RSF1: variants seen among roughly 807,000 people sequenced by gnomAD.
The protein encoded by RSF1 is HBV pX-associated protein 8.
A neutral mutation model predicts 145.2 loss-of-function variants in RSF1; 13 were observed. That is an observed-to-expected ratio of 0.09 (90% CI 0.06 to 0.14). The LOEUF is 0.14. Ranked by LOEUF, RSF1 falls within the 10% of genes least tolerant of loss-of-function variation. The pLI, the probability that RSF1 is intolerant of heterozygous loss-of-function variation, is 1.00. For synonymous variants in RSF1, 577 were observed against 592.6 expected (o/e 0.97, Z 0.38); for missense variants, 1,517 against 1,718.2 (o/e 0.88, Z 2.07).
Position 77,701,196 on chromosome 11 carries a change from A to G in RSF1, c.2033T>C (p.Val678Ala). The G allele has an allele frequency of 2.5e-6, 4 of 1,613,978 alleles. No homozygotes were observed. The highest frequency in any genetic ancestry group is 3.4e-6 in the Non-Finnish European group (4 of 1,180,004). The part of the protein sequence containing the change: ...TLKEDSEFTK[V>A]EMDNLDNAQT... Reference sequence around the variant, plus strand: ...GGCATTGTCCAGATTATCCATTTCTACCTTTGTGAACTCAGAATCCTCTTT... The same window carrying G: ...GGCATTGTCCAGATTATCCATTTCTGCCTTTGTGAACTCAGAATCCTCTTT... Residue 678 changes from valine to alanine, a missense_variant, in exon 6 of 16, where the codon GTA (valine) becomes GCA (alanine). By Grantham distance (64) the Val-to-Ala change is moderately conservative. Around this residue, in one of 12 missense-constraint regions of RSF1, gnomAD observed 579 missense variants for 553.5 expected, o/e 1.05. Coordinates refer to ENST00000308488, the MANE Select transcript of RSF1 (RefSeq NM_016578.4).
In RSF1 at chr11:77,711,282, A is replaced by G. The variant is rs1380974698; in HGVS notation, c.734-8787T>C. 3.9e-5 allele frequency among the ~76,000 whole-genome samples: 6 copies of G among 152,188 alleles called. No homozygotes were observed. In the South Asian group the frequency reaches 1.2e-3, roughly 32 times the overall value. ...CAAGGACACAGATAATACAATTAAG[A>G]TATCATACTATTTTGTCTCAAATTA... On this transcript the variant is annotated intron_variant, in intron 5 of 15. Transcript: ENST00000308488.
intron 3 of RSF1, among the ~76,000 whole-genome samples, chr11:77,742,953 T>A (rs1434486675): frequency 6.6e-6 from 1 of 152,222 alleles, no homozygotes; most frequent in African/African-American, 2.4e-5. Context: ...TTCATTCTCC[T>A]GCATGTGGAT....
chr11:77,825,431 G>A (rs1056172737), upstream of RSF1, among the ~76,000 whole-genome samples: 4 of 152,118 alleles, frequency 2.6e-5, no homozygotes, highest in East Asian at 1.9e-4. Flanking sequence ...AACAAGCTGC[G>A]CACGGTGGTT....
At chr11:77,759,241 T>C (rs1487092223) in intron 2 of RSF1, among the ~76,000 whole-genome samples, 2 of 152,232 alleles carry the variant, frequency 1.3e-5, no homozygotes, top group Non-Finnish European at 2.9e-5. Flanking sequence ...CCAGGTGCAG[T>C]GGCTCACACC....
At chr11:77,787,632 G>A (rs1020090244) in intron 1 of RSF1, among the ~76,000 whole-genome samples, 4 of 151,846 alleles carry the variant, frequency 2.6e-5, no homozygotes, top group African/African-American at 7.3e-5. Context: ...TAGACTAAAC[G>A]CATATCCAGT....
chr11:77,755,281 T>C (rs1262252468), intron 2 of RSF1, among the ~76,000 whole-genome samples: 3 of 152,062 alleles, frequency 2.0e-5, no homozygotes, highest in East Asian at 1.9e-4. Context: ...CAGAGAGAAG[T>C]AAGCTGTGGT....
At chr11:77,869,357 G>T in the RSF1 span, among the ~76,000 whole-genome samples, 1 of 137,636 alleles carries the variant, frequency 7.3e-6, no homozygotes, top group African/African-American at 2.8e-5. Context: ...GTGTTGCCCA[G>T]GATGGAGTGC....
At chr11:77,845,231 T>C in the RSF1 span, among the ~76,000 whole-genome samples, 1 of 152,218 alleles carries the variant, frequency 6.6e-6, no homozygotes, top group Non-Finnish European at 1.5e-5. Flanking sequence ...ATTATGAATA[T>C]ATTGATAGGC....
the RSF1 span, among the ~76,000 whole-genome samples, chr11:77,854,021 C>T: frequency 1.0e-3 from 147 of 142,776 alleles, 1 homozygote; most frequent in African/African-American, 3.7e-3. Context: ...GACAGACTCT[C>T]GCTCCGTTGC....
At chr11:77,682,138 T>C (rs1341096806) in intron 11 of RSF1, among the ~76,000 whole-genome samples, 1 of 152,222 alleles carries the variant, frequency 6.6e-6, no homozygotes, top group Non-Finnish European at 1.5e-5. Context: ...GAAAACTTTT[T>C]ATTTTTTGAA....
At chr11:77,735,773 T>A (rs1015488195) in intron 4 of RSF1, among the ~76,000 whole-genome samples, 8 of 152,210 alleles carry the variant, frequency 5.3e-5, no homozygotes, top group African/African-American at 1.7e-4. Flanking sequence ...GAGGCCGCTC[T>A]GTTGTCGCCA....
intron 1 of RSF1, among the ~76,000 whole-genome samples, chr11:77,797,161 T>C (rs1948580828): frequency 6.6e-6 from 1 of 152,186 alleles, no homozygotes; most frequent in African/African-American, 2.4e-5. Flanking sequence ...AAAAAACTAA[T>C]TTAAACTTCA....
chr11:77,683,293 AAAAACAAAACAAAACAATCCTTAACCC>A (rs1959915007), intron 11 of RSF1, among the ~76,000 whole-genome samples: 1 of 152,212 alleles, frequency 6.6e-6, no homozygotes, highest in African/African-American at 2.4e-5. Flanking sequence ...CCATCTTGGA[AAAAACAAAACAAAACAATCCTTAACCC>A]AAGAGCTATG....
chr11:77,804,713 G>A (rs1483247469), intron 1 of RSF1, among the ~76,000 whole-genome samples: 2 of 152,194 alleles, frequency 1.3e-5, no homozygotes, highest in Middle Eastern at 3.4e-3. Flanking sequence ...CGTTCCTGTG[G>A]TCCCAGCTAC....
intron 2 of RSF1, 91 bp downstream of exon 2, chr11:77,764,503 CTAAT>C: frequency 1.4e-6 from 1 of 736,676 alleles, no homozygotes; most frequent in Non-Finnish European, 2.3e-6. Context: ...TTTTAGTAAA[CTAAT>C]TAAAAATTAT....
chr11:77,843,290 G>T, the RSF1 span, among the ~76,000 whole-genome samples: 1 of 152,106 alleles, frequency 6.6e-6, no homozygotes, highest in East Asian at 1.9e-4. Flanking sequence ...TATTCTCAGT[G>T]TGCCATTCCC....
At chr11:77,811,538 A>G (rs530479736) in intron 1 of RSF1, among the ~76,000 whole-genome samples, 2 of 152,334 alleles carry the variant, frequency 1.3e-5, no homozygotes, top group East Asian at 1.9e-4. Flanking sequence ...TCCACAGAGC[A>G]TTTGATGCTT....
intron 2 of RSF1, among the ~76,000 whole-genome samples, chr11:77,755,235 GC>G (rs1472380664): frequency 6.6e-6 from 1 of 152,148 alleles, no homozygotes; most frequent in Non-Finnish European, 1.5e-5. Flanking sequence ...CAACCTGAAG[GC>G]CAATGGTGGC....
the RSF1 span, among the ~76,000 whole-genome samples, chr11:77,828,251 G>A: frequency 3.3e-5 from 5 of 151,758 alleles, no homozygotes; most frequent in African/African-American, 4.8e-5. Context: ...CTCCAGCCTG[G>A]GTGACAGAGC....
Sources: allele counts gnomAD v4.1 joint callset (sites outside exome capture counted in the v4.1 genomes callset), GRCh38; gene constraint gnomAD v4.1.1; regional missense constraint gnomAD v4.1.1; transcripts MANE v1.5; gene names NCBI Gene and HGNC (gene_info 2026-07-23, HGNC 2026-07-21).